ZNF365: variants seen among roughly 807,000 people sequenced by gnomAD.
The protein encoded by ZNF365 is zinc finger protein 365.
In ZNF365, 22 loss-of-function variants were observed where a neutral mutation model predicts 35.0. That is an observed-to-expected ratio of 0.63 (90% CI 0.45 to 0.90). The LOEUF (loss-of-function observed/expected upper bound fraction) is 0.90, where lower values mean the gene tolerates loss of function less well. ZNF365 is among the 40% of genes least tolerant of loss of function. The pLI is 0.00. For synonymous variants in ZNF365, 188 were observed against 196.2 expected, an observed-to-expected ratio of 0.96 and a Z score of 0.35; for missense variants, 448 against 500.3, an observed-to-expected ratio of 0.90 and a Z score of 1.00.
intron 3 of ZNF365, among the ~76,000 whole-genome samples, chr10:62,417,495 A>G (rs1484231712): frequency 2.0e-5 from 3 of 152,090 alleles, no homozygotes; most frequent in Non-Finnish European, 4.4e-5. Flanking sequence ...AGAAAATGAG[A>G]AGAAATGAAA....
At chr10:62,439,245 G>A (rs12243866) in intron 3 of ZNF365, among the ~76,000 whole-genome samples, 20,622 of 150,996 alleles carry the variant, frequency 0.14, 1,494 homozygotes, top group African/African-American at 0.18. Context: ...TTCTCTTCTC[G>A]GTCTCTGTCT....
chr10:62,404,293 G>T (rs1196055615), downstream of ZNF365, among the ~76,000 whole-genome samples: 1 of 152,188 alleles, frequency 6.6e-6, no homozygotes, highest in Non-Finnish European at 1.5e-5. Flanking sequence ...GATTATTGCT[G>T]CCCTTAAGTA....
At chr10:62,377,082 A>G in intron 2 of ZNF365, 146 bp downstream of exon 2, 3 of 1,138,528 alleles carry the variant, frequency 2.6e-6, no homozygotes, top group South Asian at 3.3e-5. Context: ...ACCAGGAGGA[A>G]CAAGGCTTTG....
At chr10:62,464,040 G>A (rs1349859888) in intron 4 of ZNF365, among the ~76,000 whole-genome samples, 1 of 152,142 alleles carries the variant, frequency 6.6e-6, no homozygotes, top group Non-Finnish European at 1.5e-5. Context: ...AACTCCAATA[G>A]GCCTAATATT....
At chr10:62,457,272 G>A (rs948714628) in intron 3 of ZNF365, among the ~76,000 whole-genome samples, 5 of 152,148 alleles carry the variant, frequency 3.3e-5, no homozygotes, top group South Asian at 4.1e-4. Context: ...GAATGGAGAC[G>A]TACTCTCCTC....
At position 62,443,921 on chromosome 10, in the gene ZNF365, G is replaced by A. The variant is rs78116042; in HGVS notation, c.925-15820G>A. Among the ~76,000 whole-genome samples, 574 of 152,294 alleles carry A rather than the reference G, an allele frequency of 3.8e-3. 2 individuals carry two copies. The highest frequency in any genetic ancestry group is 7.2e-3 in the Non-Finnish European group (488 of 68,028). On this transcript the variant is annotated intron_variant, in intron 3 of 4. Transcript: ENST00000395255. ...TTAAATATGCAATGATTACAGTCTT[G>A]AACTTTTGCCCCCATGGAGTACAGC...
intron 3 of ZNF365, among the ~76,000 whole-genome samples, chr10:62,411,406 T>C (rs1251309177): frequency 6.6e-6 from 1 of 152,154 alleles, no homozygotes; most frequent in Non-Finnish European, 1.5e-5. Flanking sequence ...TTTTTATAGT[T>C]TTGGGTTTTA....
At chr10:62,398,639 C>A in intron 3 of ZNF365, 101 bp from the exon 4 acceptor site, 2 of 1,100,926 alleles carry the variant, frequency 1.8e-6, no homozygotes, top group South Asian at 1.4e-5. Context: ...CACTGACTCC[C>A]TTAATGGGAA....
rs1408934428 is a variant in ZNF365, at chr10:62,401,490, G to T, written c.*1701G>T. On this transcript the variant is annotated 3_prime_UTR_variant, in exon 5 of 5. Transcript: ENST00000395254. ...TTCACTTTGACTTTCAGTTTATGGG[G>T]GGGGTAGATCATTCATGTGATATAT... The T allele has an allele frequency of 4.6e-5, 45 of 985,298 alleles. No individual in the cohort carries two copies. The highest frequency in any genetic ancestry group is 4.7e-5 in the Non-Finnish European group (39 of 829,846). 61.0% of individuals were successfully genotyped at this position (985,298 alleles called of 1,614,324 possible).
chr10:62,385,647 G>A (rs1470745936), intron 2 of ZNF365, among the ~76,000 whole-genome samples: 1 of 152,122 alleles, frequency 6.6e-6, no homozygotes, highest in Non-Finnish European at 1.5e-5. Context: ...GCTTCTGAGT[G>A]GTGGGATTTT....
At chr10:62,436,236 A>G (rs925608928) in intron 3 of ZNF365, among the ~76,000 whole-genome samples, 26 of 152,178 alleles carry the variant, frequency 1.7e-4, no homozygotes, top group Admixed American at 8.5e-4. Flanking sequence ...TTTCCAGGCC[A>G]TGGGAATTTT....
intron 3 of ZNF365, among the ~76,000 whole-genome samples, chr10:62,455,903 T>G (rs539221369): frequency 2.6e-5 from 4 of 152,204 alleles, no homozygotes; most frequent in Non-Finnish European, 5.9e-5. Context: ...AACTAAGCTG[T>G]TTTTCCTCCA....
chr10:62,426,534 A>G (rs1164394566), intron 3 of ZNF365, among the ~76,000 whole-genome samples: 2 of 152,150 alleles, frequency 1.3e-5, no homozygotes, highest in East Asian at 3.9e-4. Context: ...AAAGTTTATT[A>G]TGCTCACAGG....
Position 62,400,544 on chromosome 10 carries a change from A to G in ZNF365, c.*755A>G, listed in dbSNP as rs1564574880. On this transcript the variant is annotated 3_prime_UTR_variant, in exon 5 of 5. Coordinates refer to ENST00000395254, the MANE Select transcript of ZNF365 (RefSeq NM_014951.3). ...TCTATCTTAATAGCTGCTTCTGTGG[A>G]TATGGCTGGGGAGCGAAGTAAAATC... The G allele has an allele frequency of 1.0e-6, 1 of 985,842 alleles. No individual in the cohort carries two copies. The highest frequency in any genetic ancestry group is 1.7e-5 in the African/African-American group (1 of 57,192). 61.1% of individuals were successfully genotyped at this position (985,842 alleles called of 1,614,324 possible). A position where few individuals can be genotyped will look rare whatever the true frequency, so the allele number is the denominator to read the frequency against.
Position 62,401,109 on chromosome 10 carries a change from T to C in ZNF365, c.*1320T>C, listed in dbSNP as rs753263456. On this transcript the variant is annotated 3_prime_UTR_variant, in exon 5 of 5. Coordinates refer to ENST00000395254, the MANE Select transcript of ZNF365 (RefSeq NM_014951.3). The stretch of plus-strand genomic sequence containing the variant: ...GCTGACATTCTTCTGAAAACAGGAA[T>C]AATTTTGTCCACAAATATATACATA... 1.0e-6 allele frequency: 1 copy of C among 985,108 alleles called. No individual in the cohort carries two copies. The highest frequency in any genetic ancestry group is 1.2e-6 in the Non-Finnish European group (1 of 829,578). The allele number at this position is 985,108 out of a possible 1,614,324, so 61.0% of individuals were successfully genotyped here.
Position 62,400,208 on chromosome 10 carries a change from A to G in ZNF365, c.*419A>G. On this transcript the variant is annotated 3_prime_UTR_variant, in exon 5 of 5. Transcript: ENST00000395254. ...AGTGCGAGGCAAGGAATGGCAGTGT[A>G]AAGTTCTGTTAATAGCAGTAAAATG... The G allele has an allele frequency of 1.0e-6, 1 of 999,338 alleles. No individual in the cohort carries two copies. The highest frequency in any genetic ancestry group is 1.2e-6 in the Non-Finnish European group (1 of 837,540). The allele number at this position is 999,338 out of a possible 1,614,324, so 61.9% of individuals were successfully genotyped here.
At chr10:62,459,445 G>A (rs933978853) in intron 3 of ZNF365, among the ~76,000 whole-genome samples, 1 of 152,234 alleles carries the variant, frequency 6.6e-6, no homozygotes, top group Non-Finnish European at 1.5e-5. Context: ...GGAGGGAACA[G>A]AGAATGTACA....
At chr10:62,404,542 C>G (rs1386863572), downstream of ZNF365, among the ~76,000 whole-genome samples, 1 of 152,070 alleles carries the variant, frequency 6.6e-6, no homozygotes, top group African/African-American at 2.4e-5. Context: ...CTTTTTAGAA[C>G]CATGAAATCA....
At chr10:62,459,892 G>A (rs11818240) in intron 4 of ZNF365, 9 of 1,090,380 alleles carry the variant, frequency 8.3e-6, no homozygotes, top group African/African-American at 1.6e-5. Flanking sequence ...GGGCGCAGCA[G>A]GCCATTGGTT....
Sources: allele counts gnomAD v4.1 joint callset (sites outside exome capture counted in the v4.1 genomes callset), GRCh38; gene constraint gnomAD v4.1.1; transcripts MANE v1.5; gene names NCBI Gene and HGNC (gene_info 2026-07-23, HGNC 2026-07-21).